Variants in HSD17B4 observed in about 807,000 individuals in gnomAD.
HSD17B4 encodes the protein peroxisomal multifunctional enzyme type 2.
In HSD17B4, 70 loss-of-function variants were observed where a neutral mutation model predicts 101.0. That is an observed-to-expected ratio of 0.69 (90% confidence interval 0.57 to 0.85). HSD17B4 has a LOEUF of 0.85. Ranked by LOEUF, HSD17B4 falls within the 40% of genes least tolerant of loss-of-function variation. The probability of loss-of-function intolerance (pLI) is 0.00; values close to 1 mark genes in which losing one functional copy is unlikely to be tolerated. For missense variants in HSD17B4, 984 were observed against 892.4 expected, an observed-to-expected ratio of 1.10 and a Z score of -1.31; for synonymous variants, 347 against 297.1, an observed-to-expected ratio of 1.17 and a Z score of -1.73.
At chr5:119,490,493 T>C (rs1431705210) in intron 9 of HSD17B4, among the ~76,000 whole-genome samples, 2 of 152,216 alleles carry the variant, frequency 1.3e-5, no homozygotes, top group African/African-American at 4.8e-5. Flanking sequence ...ACATTATCAC[T>C]ATCCAGAGAG....
chr5:119,480,375 A>G (rs1208887000), intron 8 of HSD17B4, among the ~76,000 whole-genome samples: 3 of 152,264 alleles, frequency 2.0e-5, no homozygotes, highest in Middle Eastern at 6.8e-3. Flanking sequence ...AGAGTACAAA[A>G]GAGAGAAATT....
chr5:119,500,538 G>A (rs1350352650), intron 13 of HSD17B4, among the ~76,000 whole-genome samples: 1 of 152,016 alleles, frequency 6.6e-6, no homozygotes, highest in Admixed American at 6.6e-5. Flanking sequence ...CATTTAAGTG[G>A]AAATATAAGA....
intron 4 of HSD17B4, among the ~76,000 whole-genome samples, 196 bp downstream of exon 4, chr5:119,474,656 G>T (rs1748403787): frequency 1.3e-5 from 2 of 152,068 alleles, no homozygotes; most frequent in African/African-American, 4.8e-5. Context: ...ATATAGTGTT[G>T]AGTTTGTTTT....
chr5:119,520,824 C>A (rs1317365397), intron 17 of HSD17B4, among the ~76,000 whole-genome samples: 1 of 152,054 alleles, frequency 6.6e-6, no homozygotes, highest in East Asian at 1.9e-4. Flanking sequence ...TAATCCATGA[C>A]TATCTAGTTT....
At chr5:119,503,117 T>C (rs1352578842) in intron 14 of HSD17B4, among the ~76,000 whole-genome samples, 1 of 148,856 alleles carries the variant, frequency 6.7e-6, no homozygotes, top group Non-Finnish European at 1.5e-5. Flanking sequence ...TGTGTGTGTA[T>C]GTGTGCATGT....
Position 119,503,076 on chromosome 5 carries a change from T to TTGTGTGTGTGTGTGTGTGTG in HSD17B4, c.1261+1004_1261+1023dup, listed in dbSNP as rs759039800. On this transcript the variant is annotated intron_variant, in intron 14 of 23. Transcript: ENST00000510025. ...AGATTCTCAATCCCAACCTTGGAAA[T>TTGTGTGTGTGTGTGTGTGTG]TGTGTGTGTGTGTGTGTGTGTGTGT... Among the ~76,000 whole-genome samples, 14 of 140,530 alleles carry TTGTGTGTGTGTGTGTGTGTG rather than the reference T, an allele frequency of 1.0e-4. No individual in the cohort carries two copies. The East Asian group carries it at 1.3e-3, about 13-fold the overall frequency. 92.2% of individuals were successfully genotyped at this position (140,530 alleles called of 152,430 possible). A position where few individuals can be genotyped will look rare whatever the true frequency, so the allele number is the denominator to read the frequency against.
intron 2 of HSD17B4, chr5:119,471,492 C>A: frequency 2.5e-6 from 1 of 398,528 alleles, no homozygotes. Context: ...ATTCCACTTT[C>A]AACTCTCACC....
Position 119,542,119 on chromosome 5 carries a change from A to G in HSD17B4, c.*125A>G, listed in dbSNP as rs992285232. 7 of 702,274 alleles carry G rather than the reference A, an allele frequency of 1.0e-5. No homozygotes were observed. Among genetic ancestry groups the G allele is most frequent in the Non-Finnish European group, 1.8e-5 (7 of 385,424 alleles). 43.5% of individuals were successfully genotyped at this position (702,274 alleles called of 1,614,324 possible). A position where few individuals can be genotyped will look rare whatever the true frequency, so the allele number is the denominator to read the frequency against. Reference sequence around the variant, plus strand: ...GGGAAATTGCTTAACATTTTCAGATATCAGATAACTGCAGATTTTCATTTT... The same window carrying G: ...GGGAAATTGCTTAACATTTTCAGATGTCAGATAACTGCAGATTTTCATTTT... On this transcript the variant is annotated 3_prime_UTR_variant, in exon 24 of 24. Coordinates refer to ENST00000510025, the MANE Select transcript of HSD17B4 (RefSeq NM_000414.4).
rs773665790 is a variant in HSD17B4 at position 119,473,983 on chromosome 5, G to T, written c.188G>T (p.Arg63Ile). The stretch of plus-strand genomic sequence containing the variant: ...GCTGATAAGGTTGTTGAAGAAATAA[G>T]AAGGAGAGGTGGAAAAGCAGTGGCC... ...LAADKVVEEI[R>I]RRGGKAVANY... Residue 63 changes from arginine (R) to isoleucine (I), a missense_variant, in exon 3 of 24, where the codon AGA becomes ATA. Physicochemically the swap from Arg to Ile is moderately conservative, Grantham distance 97. Coordinates refer to ENST00000510025, the MANE Select transcript of HSD17B4 (RefSeq NM_000414.4). 1.2e-6 allele frequency: 2 copies of T among 1,610,606 alleles called. No individual in the cohort carries two copies. Among genetic ancestry groups the T allele is most frequent in the East Asian group, 4.5e-5 (2 of 44,834 alleles).
chr5:119,525,708 G>GTT (rs1306903316), intron 18 of HSD17B4: 15 of 564,868 alleles, frequency 2.7e-5, no homozygotes, highest in Admixed American at 6.4e-5. Context: ...TTCTTTTCCT[G>GTT]TTTTGTTTTT....
At chr5:119,481,404 C>G (rs72547237) in intron 8 of HSD17B4, among the ~76,000 whole-genome samples, 1 of 152,090 alleles carries the variant, frequency 6.6e-6, no homozygotes, top group Admixed American at 6.6e-5. Context: ...AGGATAAGTT[C>G]GTTGGATACA....
At chr5:119,494,785 T>C (rs1216798598) in intron 11 of HSD17B4, among the ~76,000 whole-genome samples, 1 of 152,154 alleles carries the variant, frequency 6.6e-6, no homozygotes, top group African/African-American at 2.4e-5. Context: ...GCTGAACTCA[T>C]AGAAGGGACT....
chr5:119,542,157 C>A lies in HSD17B4; in HGVS notation c.*163C>A. The A allele has an allele frequency of 1.6e-6, 1 of 619,330 alleles. No homozygotes were observed. Among genetic ancestry groups the A allele is most frequent in the Admixed American group, 2.5e-5 (1 of 40,740 alleles). The allele number at this position is 619,330 out of a possible 1,614,324, so 38.4% of individuals were successfully genotyped here. A position where few individuals can be genotyped will look rare whatever the true frequency, so the allele number is the denominator to read the frequency against. ...AGATTTTCATTTTCTACTAATTTTT[C>A]ATGTATCATTATTTTTACAAGGAAC... On this transcript the variant is annotated 3_prime_UTR_variant, in exon 24 of 24. Transcript: ENST00000510025.
chr5:119,512,533 A>G (rs186004927), intron 16 of HSD17B4, among the ~76,000 whole-genome samples: 114 of 152,162 alleles, frequency 7.5e-4, no homozygotes, highest in South Asian at 6.9e-3. Context: ...GTCAGAAGAT[A>G]GTGGGCTAAT....
chr5:119,491,923 C>T (rs893024505), intron 9 of HSD17B4, among the ~76,000 whole-genome samples, 177 bp from the exon 10 acceptor site: 11 of 152,156 alleles, frequency 7.2e-5, no homozygotes, highest in Admixed American at 6.5e-4. Flanking sequence ...GCTCCGATAA[C>T]ATGAGCAGTG....
chr5:119,520,176 T>C (rs1002546284), intron 17 of HSD17B4, among the ~76,000 whole-genome samples: 7 of 151,886 alleles, frequency 4.6e-5, no homozygotes, highest in African/African-American at 1.7e-4. Context: ...TAAACAATGA[T>C]TTATTATTTT....
intron 8 of HSD17B4, among the ~76,000 whole-genome samples, chr5:119,484,269 C>T (rs964334790): frequency 1.3e-5 from 2 of 152,162 alleles, no homozygotes; most frequent in African/African-American, 4.8e-5. Flanking sequence ...TAGACTATTC[C>T]TCATTCTTGA....
intron 23 of HSD17B4, among the ~76,000 whole-genome samples, chr5:119,537,796 C>T (rs1446024057): frequency 6.6e-6 from 1 of 152,062 alleles, no homozygotes; most frequent in Admixed American, 6.6e-5. Flanking sequence ...TCCAATAAAA[C>T]TTTATTTACA....
Position 119,506,845 on chromosome 5 carries a change from C to G in HSD17B4, c.1289C>G (p.Ala430Gly). 1 of 1,585,254 alleles carries G rather than the reference C, an allele frequency of 6.3e-7. No homozygotes were observed. Among genetic ancestry groups the G allele is most frequent in the Non-Finnish European group, 8.7e-7 (1 of 1,154,882 alleles). The change falls in exon 15 of 24, where the codon GCT becomes GGT. Residue 430 changes from alanine to glycine, a missense_variant. Coordinates refer to ENST00000510025, the MANE Select transcript of HSD17B4 (RefSeq NM_000414.4). ...AAATTAAAATGTGAAGCAGTTGTTG[C>G]TGATGTCCTAGATAAAGGATCCGGT... is the stretch of plus-strand genomic sequence containing the variant. ...AGKLKCEAVV[A>G]DVLDKGSGVV...
Sources: gnomAD v4.1 joint callset for allele counts (sites outside exome capture counted in the v4.1 genomes callset) on GRCh38, gnomAD v4.1.1 for gene constraint, MANE v1.5 for transcripts, NCBI Gene and HGNC (gene_info 2026-07-23, HGNC 2026-07-21) for gene names.